PDGFD: variants seen among roughly 807,000 people sequenced by gnomAD.
The protein encoded by PDGFD is platelet derived growth factor D.
Under a neutral mutation model 44.7 loss-of-function variants are expected in PDGFD, and 30 were observed. That is an observed-to-expected ratio of 0.67 (90% CI 0.50 to 0.91). The LOEUF is 0.91. Ranked by LOEUF, PDGFD falls within the 40% of genes least tolerant of loss-of-function variation. The pLI, the probability that PDGFD is intolerant of heterozygous loss-of-function variation, is 0.00. For synonymous variants in PDGFD, 173 were observed against 168.4 expected, an observed-to-expected ratio of 1.03 and a Z score of -0.21; for missense variants, 445 against 457.8, an observed-to-expected ratio of 0.97 and a Z score of 0.25.
At chr11:103,936,420 G>C (rs1248379261) in intron 5 of PDGFD, among the ~76,000 whole-genome samples, 1 of 152,138 alleles carries the variant, frequency 6.6e-6, no homozygotes, top group Non-Finnish European at 1.5e-5. Flanking sequence ...CAAAACTTGT[G>C]TCCTCCTGTT....
intron 3 of PDGFD, among the ~76,000 whole-genome samples, chr11:103,980,407 G>T (rs1859251148): frequency 6.6e-6 from 1 of 152,008 alleles, no homozygotes. Context: ...AATGTCAAAG[G>T]TATATTTCAG....
chr11:104,138,017 T>C (rs996108408), intron 1 of PDGFD, among the ~76,000 whole-genome samples: 7 of 152,158 alleles, frequency 4.6e-5, no homozygotes, highest in African/African-American at 1.7e-4. Context: ...AAAACATACC[T>C]GCTCATCTTG....
At chr11:104,035,757 CT>C (rs1165022813) in intron 1 of PDGFD, among the ~76,000 whole-genome samples, 1 of 151,998 alleles carries the variant, frequency 6.6e-6, no homozygotes, top group Non-Finnish European at 1.5e-5. Flanking sequence ...AATAACAGCC[CT>C]TGCCATAAAT....
intron 1 of PDGFD, chr11:104,037,275 C>A (rs1262172456): frequency 6.2e-7 from 1 of 1,613,358 alleles, no homozygotes; most frequent in Non-Finnish European, 8.5e-7. Context: ...GCATGCTGCT[C>A]TCCAACCCCC....
intron 3 of PDGFD, among the ~76,000 whole-genome samples, chr11:103,956,614 C>T (rs1199310704): frequency 6.6e-6 from 1 of 151,862 alleles, no homozygotes; most frequent in Non-Finnish European, 1.5e-5. Flanking sequence ...ATTTCTAGTT[C>T]TAGATCCCTG....
intron 1 of PDGFD, among the ~76,000 whole-genome samples, chr11:104,079,620 C>A (rs1861015373): frequency 6.6e-6 from 1 of 152,160 alleles, no homozygotes; most frequent in African/African-American, 2.4e-5. Context: ...AACTCCCGAC[C>A]TCATTATCCA....
At chr11:103,937,923 T>C (rs1428054726) in intron 5 of PDGFD, among the ~76,000 whole-genome samples, 1 of 151,842 alleles carries the variant, frequency 6.6e-6, no homozygotes, top group Admixed American at 6.6e-5. Context: ...ATGGTGTATA[T>C]GTGCCACATT....
Position 103,910,929 on chromosome 11 carries a change from G to A in PDGFD, c.988-1110C>T, listed in dbSNP as rs180700031. On this transcript the variant is annotated intron_variant, in intron 6 of 6. Coordinates refer to ENST00000393158, the MANE Select transcript of PDGFD (RefSeq NM_025208.5). ...TGCCATTGCTGAGGCTTGAGTAGGC[G>A]AGGCGGTTTTACCCTCAAAGTGTAA... Among the ~76,000 whole-genome samples the A allele has an allele frequency of 7.9e-3, 1,206 of 152,294 alleles. 15 individuals carry two copies. Among genetic ancestry groups the A allele is most frequent in the African/African-American group, 0.026 (1,090 of 41,562 alleles).
At chr11:104,026,789 C>T (rs1860047197) in intron 1 of PDGFD, among the ~76,000 whole-genome samples, 1 of 152,088 alleles carries the variant, frequency 6.6e-6, no homozygotes, top group Admixed American at 6.5e-5. Context: ...TTTAAAAAAA[C>T]CTTTGAAGGA....
At chr11:104,034,102 C>G (rs986357776) in intron 1 of PDGFD, among the ~76,000 whole-genome samples, 1 of 152,126 alleles carries the variant, frequency 6.6e-6, no homozygotes, top group Non-Finnish European at 1.5e-5. Context: ...CTTTCTAAAC[C>G]CAGTTCTTTC....
intron 1 of PDGFD, among the ~76,000 whole-genome samples, chr11:104,148,550 A>G (rs1862197124): frequency 1.3e-5 from 2 of 152,194 alleles, no homozygotes; most frequent in African/African-American, 4.8e-5. Flanking sequence ...AAACATTGAA[A>G]TATTTACATA....
At chr11:104,155,562 G>A (rs1862295533) in intron 1 of PDGFD, among the ~76,000 whole-genome samples, 1 of 152,148 alleles carries the variant, frequency 6.6e-6, no homozygotes, top group African/African-American at 2.4e-5. Flanking sequence ...CTTCTGCTGT[G>A]GATATGAGAA....
At chr11:104,116,786 C>G (rs1477937107) in intron 1 of PDGFD, among the ~76,000 whole-genome samples, 1 of 151,878 alleles carries the variant, frequency 6.6e-6, no homozygotes, top group Non-Finnish European at 1.5e-5. Flanking sequence ...GCCGGTCTTT[C>G]CCGTGGCATT....
At chr11:103,966,828 G>A (rs558762191) in intron 3 of PDGFD, among the ~76,000 whole-genome samples, 2 of 114,942 alleles carry the variant, frequency 1.7e-5, no homozygotes, top group Non-Finnish European at 3.5e-5. Context: ...ATCGCTGCAG[G>A]CACAATCCTG....
chr11:104,114,861 A>G (rs921505152), intron 1 of PDGFD, among the ~76,000 whole-genome samples: 1 of 151,570 alleles, frequency 6.6e-6, no homozygotes, highest in Non-Finnish European at 1.5e-5. Context: ...GTGCTAATTT[A>G]AATCATAACA....
In PDGFD at chr11:104,000,074, CT is replaced by C; in HGVS notation, c.305del (p.Glu102GlyfsTer39). On this transcript the variant is annotated frameshift_variant, in exon 2 of 7. Coordinates refer to ENST00000393158, the MANE Select transcript of PDGFD (RefSeq NM_025208.5). LOFTEE classifies it high-confidence loss of function. ...ACCTACAGATATCATTTTCTGCTTC[CT>C]CTAATCCAAACTGATTGTCAAACAC... ...QLVFDNQFGL[E>X]EAENDICRYD... 1 of 1,614,028 alleles carries C rather than the reference CT, an allele frequency of 6.2e-7. No individual in the cohort carries two copies. The highest frequency in any genetic ancestry group is 8.5e-7 in the Non-Finnish European group (1 of 1,179,968).
chr11:104,122,717 C>A (rs973886310), intron 1 of PDGFD, among the ~76,000 whole-genome samples: 4 of 90,202 alleles, frequency 4.4e-5, no homozygotes, highest in African/African-American at 1.1e-4. Flanking sequence ...ATAATACAAA[C>A]AATTTTTTTT....
intron 3 of PDGFD, among the ~76,000 whole-genome samples, chr11:103,988,490 C>G (rs1046120895): frequency 6.6e-6 from 1 of 152,136 alleles, no homozygotes; most frequent in Non-Finnish European, 1.5e-5. Flanking sequence ...ATTTCAAACA[C>G]TGCTTGTGTC....
rs1860741972 is a variant in PDGFD at position 104,063,341 on chromosome 11, G to C, written c.125-63086C>G. On this transcript the variant is annotated intron_variant, in intron 1 of 6. Coordinates refer to ENST00000393158, the MANE Select transcript of PDGFD (RefSeq NM_025208.5). Reference sequence around the variant, plus strand: ...GTGTGAGAGAGAGAGGAGAGAGAGAGAGAGAGAGAGAATTTACTTTGATAA... The same window carrying C: ...GTGTGAGAGAGAGAGGAGAGAGAGACAGAGAGAGAGAATTTACTTTGATAA... Among the ~76,000 whole-genome samples, 9 of 151,884 alleles carry C rather than the reference G, an allele frequency of 5.9e-5. No individual in the cohort carries two copies. The South Asian group carries it at 1.9e-3, about 32-fold the overall frequency.
Sources: allele counts gnomAD v4.1 joint callset (sites outside exome capture counted in the v4.1 genomes callset), GRCh38; gene constraint gnomAD v4.1.1; transcripts MANE v1.5; gene names NCBI Gene and HGNC (gene_info 2026-07-23, HGNC 2026-07-21).